The following IFT46 variants were observed in gnomAD, a reference collection of about 807,000 sequenced individuals.
IFT46 encodes the protein intraflagellar transport protein 46 homolog.
In IFT46, 19 loss-of-function variants were observed where a neutral mutation model predicts 39.6. The observed-to-expected ratio is 0.48, with a 90% CI of 0.33 to 0.70. IFT46 has a LOEUF of 0.70. IFT46 is among the 30% of genes least tolerant of loss of function. The pLI is 0.01. For synonymous variants in IFT46, 117 were observed against 134.8 expected, an observed-to-expected ratio of 0.87 and a Z score of 0.91; for missense variants, 334 against 364.8, an observed-to-expected ratio of 0.92 and a Z score of 0.69.
At position 118,555,283 on chromosome 11, in the gene IFT46, A is replaced by C; in HGVS notation, c.225T>G (p.Ser75=). The C allele has an allele frequency of 1.2e-6, 2 of 1,614,162 alleles. No homozygotes were observed. The highest frequency in any genetic ancestry group is 1.7e-6 in the Non-Finnish European group (2 of 1,180,008). ...ACTGGAAGAGTTCCTTAATTTCAGC[A>C]GAAACTGGCAAATGCTCATAGTCTG... ...DPADYEHLPV[S]AEIKELFQYI... is the part of the protein sequence containing the mutation. The change falls in exon 5 of 12, where the codon TCT becomes TCG. Residue 75 remains serine, a synonymous_variant. Transcript: ENST00000264021.
upstream of IFT46, among the ~76,000 whole-genome samples, chr11:118,569,633 T>A (rs1565354128): frequency 6.6e-6 from 1 of 152,196 alleles, no homozygotes; most frequent in Non-Finnish European, 1.5e-5. Context: ...TTTGTTTGAA[T>A]CCTCGCTTAC....
At chr11:118,554,214 C>A (rs1349249964) in intron 7 of IFT46, among the ~76,000 whole-genome samples, 2 of 151,902 alleles carry the variant, frequency 1.3e-5, no homozygotes, top group African/African-American at 2.4e-5. Context: ...CTACACCCTG[C>A]TAATTTTTTT....
chr11:118,559,869 GAA>G lies in IFT46; in HGVS notation c.-35-7_-35-6del. ...GATGGGCAGAACGAGGAAGTCCTTA[GAA>G]AAAAAGTTTTTCCTTTAGATTATTG... On this transcript the variant is annotated splice_region_variant and splice_polypyrimidine_tract_variant and intron_variant, in intron 2 of 11. Transcript: ENST00000264021. The G allele has an allele frequency of 3.2e-6, 5 of 1,564,144 alleles. No individual in the cohort carries two copies. Among genetic ancestry groups the G allele is most frequent in the Non-Finnish European group, 4.4e-6 (5 of 1,142,822 alleles).
In IFT46 at chr11:118,544,786, G is replaced by T; in HGVS notation, c.*130C>A. 1.5e-6 allele frequency: 1 copy of T among 665,858 alleles called. No homozygotes were observed. The allele number at this position is 665,858 out of a possible 1,614,324, so 41.2% of individuals were successfully genotyped here. On this transcript the variant is annotated 3_prime_UTR_variant, in exon 12 of 12. Transcript: ENST00000264021. ...TCTGTGCCCTCTGGCAGAGAGGGCA[G>T]CAGGACATGCACTGCCCCTGAGCCA... is the stretch of plus-strand genomic sequence containing the variant.
At chr11:118,546,517 T>A in intron 9 of IFT46, 7 of 195,076 alleles carry the variant, frequency 3.6e-5, no homozygotes, top group Non-Finnish European at 6.4e-5. Context: ...AGGGAGGGAA[T>A]CAACCATGCC....
At chr11:118,550,509 CAG>C (rs1327566290) in intron 9 of IFT46, among the ~76,000 whole-genome samples, 2 of 151,450 alleles carry the variant, frequency 1.3e-5, no homozygotes, top group African/African-American at 2.4e-5. Flanking sequence ...TTTTTGGAAA[CAG>C]AGTTTCCTTA....
chr11:118,545,015 C>T lies in IFT46; in HGVS notation c.820-4G>A. The T allele has an allele frequency of 6.3e-7, 1 of 1,599,432 alleles. No homozygotes were observed. On this transcript the variant is annotated splice_polypyrimidine_tract_variant and splice_region_variant and intron_variant, in intron 11 of 11. Coordinates refer to ENST00000264021, the MANE Select transcript of IFT46 (RefSeq NM_001168618.2). ...CTTCAGCGAGAGCTTTAAAATGCTGCAAGGAAGAGGAGAGGGAATATTGAG... is the reference window on the plus strand; with the variant it reads ...CTTCAGCGAGAGCTTTAAAATGCTGTAAGGAAGAGGAGAGGGAATATTGAG...
rs782723611 is a variant in IFT46 at position 118,559,772 on chromosome 11, A to T, written c.45+13T>A. Reference sequence around the variant, plus strand: ...AGCAGAAATTCTACAAGAAGCTGTGAGTTTTACTGTACCTTGTTATTTTCC... The same window carrying T: ...AGCAGAAATTCTACAAGAAGCTGTGTGTTTTACTGTACCTTGTTATTTTCC... On this transcript the variant is annotated intron_variant, in intron 3 of 11. Transcript: ENST00000264021. 6.2e-6 allele frequency: 10 copies of T among 1,605,748 alleles called. No homozygotes were observed. The highest frequency in any genetic ancestry group is 2.2e-5 in the East Asian group (1 of 44,802).
upstream of IFT46, among the ~76,000 whole-genome samples, chr11:118,570,632 A>AT (rs1938318158): frequency 6.6e-6 from 1 of 152,232 alleles, no homozygotes; most frequent in African/African-American, 2.4e-5. Context: ...TGAATCAGCT[A>AT]TACTCTGAAA....
intron 4 of IFT46, 37 bp downstream of exon 4, chr11:118,556,869 C>G: frequency 6.7e-7 from 1 of 1,492,754 alleles, no homozygotes; most frequent in Non-Finnish European, 8.9e-7. Flanking sequence ...AGGAGGTATT[C>G]TGAAGAGCAC....
upstream of IFT46, chr11:118,573,752 T>C (rs1555072916): frequency 1.5e-6 from 1 of 668,170 alleles, no homozygotes; most frequent in East Asian, 2.8e-5. Context: ...TGCTTGGACT[T>C]TAGGCCACTG....
intron 2 of IFT46, among the ~76,000 whole-genome samples, chr11:118,564,568 T>C (rs1938164916): frequency 6.6e-6 from 1 of 152,034 alleles, no homozygotes; most frequent in Admixed American, 6.6e-5. Flanking sequence ...AAAAAAAGTT[T>C]GTTGAATAAA....
chr11:118,559,877 G>C lies in IFT46; in HGVS notation c.-35-13C>G, dbSNP rs1937977174. The C allele has an allele frequency of 6.6e-7, 1 of 1,505,294 alleles. No individual in the cohort carries two copies. The highest frequency in any genetic ancestry group is 9.2e-7 in the Non-Finnish European group (1 of 1,088,234). The allele number at this position is 1,505,294 out of a possible 1,614,324, so 93.2% of individuals were successfully genotyped here. On this transcript the variant is annotated splice_polypyrimidine_tract_variant and intron_variant, in intron 2 of 11. Transcript: ENST00000264021. ...GAACGAGGAAGTCCTTAGAAAAAAAGTTTTTCCTTTAGATTATTGTTAAAA... is the reference window on the plus strand; with the variant it reads ...GAACGAGGAAGTCCTTAGAAAAAAACTTTTTCCTTTAGATTATTGTTAAAA...
intron 3 of IFT46, 107 bp from the exon 4 acceptor site, chr11:118,557,152 G>A (rs1430375810): frequency 2.2e-5 from 22 of 1,021,002 alleles, no homozygotes; most frequent in Admixed American, 3.5e-5. Flanking sequence ...CTGGCACCTC[G>A]TCACCAGAAA....
intron 1 of IFT46, chr11:118,565,462 G>A (rs1368483006): frequency 1.5e-5 from 1 of 66,828 alleles, no homozygotes; most frequent in African/African-American, 8.8e-5. Flanking sequence ...CACCTCTGGG[G>A]TGGGGTGGGG....
rs1951668060 is a variant in IFT46 at position 118,545,776 on chromosome 11, A to G, written c.733+17T>C. The G allele has an allele frequency of 4.3e-6, 7 of 1,612,882 alleles. No individual in the cohort carries two copies. Among genetic ancestry groups the G allele is most frequent in the Middle Eastern group, 1.7e-4 (1 of 6,060 alleles). ...TCTATCCAGAGATGGGGACGAGGAA[A>G]GGAAAGAGGAACTCACCACAGATCA... On this transcript the variant is annotated intron_variant, in intron 10 of 11. Transcript: ENST00000264021.
intron 1 of IFT46, among the ~76,000 whole-genome samples, chr11:118,565,424 G>A (rs2135514225): frequency 6.9e-6 from 1 of 144,472 alleles, no homozygotes; most frequent in South Asian, 2.2e-4. Context: ...GGCTGTAGAG[G>A]TTCTAGAAAG....
At chr11:118,560,985 G>C in intron 2 of IFT46, 1 of 1,394,354 alleles carries the variant, frequency 7.2e-7, no homozygotes, top group South Asian at 1.2e-5. Context: ...GCAACTTATT[G>C]TACTGGCCTG....
At chr11:118,553,378 T>C (rs1356636328) in intron 7 of IFT46, among the ~76,000 whole-genome samples, 2 of 149,514 alleles carry the variant, frequency 1.3e-5, no homozygotes, top group Non-Finnish European at 1.5e-5. Flanking sequence ...GAGGTGGAGG[T>C]TGTGGTGAGC....
Sources: allele counts gnomAD v4.1 joint callset (sites outside exome capture counted in the v4.1 genomes callset), GRCh38; gene constraint gnomAD v4.1.1; transcripts MANE v1.5; gene names NCBI Gene and HGNC (gene_info 2026-07-23, HGNC 2026-07-21).